Variants in SLC44A5 observed in about 807,000 individuals in gnomAD.
SLC44A5 encodes choline transporter-like protein 5.
A neutral mutation model predicts 101.8 loss-of-function variants in SLC44A5; 57 were observed. The ratio of observed to expected loss-of-function variants is 0.56; its 90% CI spans 0.45 to 0.70. SLC44A5 has a LOEUF of 0.70. Among genes scored for constraint, SLC44A5 ranks in the 30% least tolerant of loss-of-function variants. SLC44A5 has a pLI of 0.00. For synonymous variants in SLC44A5, 281 were observed against 290.9 expected (o/e 0.97, Z 0.35); for missense variants, 737 against 853.1 (o/e 0.86, Z 1.70).
intron 2 of SLC44A5, chr1:75,398,359 A>G (rs1253830570): frequency 1.0e-6 from 1 of 985,266 alleles, no homozygotes; most frequent in Admixed American, 6.2e-5. Flanking sequence ...TTTCACCTGC[A>G]GACCCAGTCC....
At chr1:75,613,461 C>T (rs752279526), upstream of SLC44A5, among the ~76,000 whole-genome samples, 9 of 152,210 alleles carry the variant, frequency 5.9e-5, no homozygotes, top group Non-Finnish European at 8.8e-5. Context: ...TTGCTTCTGT[C>T]ATCTATCAAA....
At chr1:75,629,828 T>C in the SLC44A5 span, among the ~76,000 whole-genome samples, 1 of 152,242 alleles carries the variant, frequency 6.6e-6, no homozygotes. Flanking sequence ...ATAAAATCAA[T>C]TTTTAAAGAA....
intron 1 of SLC44A5, among the ~76,000 whole-genome samples, chr1:75,548,510 A>C (rs1007900346): frequency 1.3e-5 from 2 of 152,118 alleles, no homozygotes; most frequent in Non-Finnish European, 2.9e-5. Flanking sequence ...TCTAGACTGC[A>C]GATTAAGAGC....
At chr1:75,550,723 T>C (rs190460026) in intron 1 of SLC44A5, among the ~76,000 whole-genome samples, 1 of 152,092 alleles carries the variant, frequency 6.6e-6, no homozygotes, top group Non-Finnish European at 1.5e-5. Context: ...GATTTGATGA[T>C]GTCAGTAACT....
chr1:75,210,155 T>C (rs1315588388), intron 23 of SLC44A5, among the ~76,000 whole-genome samples: 2 of 151,958 alleles, frequency 1.3e-5, no homozygotes, highest in African/African-American at 4.8e-5. Flanking sequence ...CAGGTGATCC[T>C]CCCACCTCAG....
chr1:75,670,108 G>A, the SLC44A5 span, among the ~76,000 whole-genome samples: 3 of 152,034 alleles, frequency 2.0e-5, no homozygotes, highest in African/African-American at 7.2e-5. Flanking sequence ...TACAAAAAGA[G>A]AAGATAAAGA....
chr1:75,541,285 T>A lies in SLC44A5; in HGVS notation c.13+150A>T, dbSNP rs1280027873. On this transcript the variant is annotated intron_variant, in intron 2 of 23. Coordinates refer to ENST00000370859, the MANE Select transcript of SLC44A5 (RefSeq NM_001130058.2). ...CAGGCAAAGACGGAGAACCACAAGG[T>A]CTAACATGCTGTAGTTTTCCAGGTG... 14 of 622,114 alleles carry A rather than the reference T, an allele frequency of 2.3e-5. No individual in the cohort carries two copies. In the South Asian group the frequency reaches 3.0e-4, roughly 13 times the overall value. The allele number at this position is 622,114 out of a possible 1,614,324, so 38.5% of individuals were successfully genotyped here. A position where few individuals can be genotyped will look rare whatever the true frequency, so the allele number is the denominator to read the frequency against.
intron 1 of SLC44A5, among the ~76,000 whole-genome samples, chr1:75,550,554 G>A (rs2101978996): frequency 6.6e-6 from 1 of 151,980 alleles, no homozygotes. Flanking sequence ...TTTACATTAT[G>A]AAAATTTTAC....
chr1:75,580,012 G>C (rs1673592664), intron 1 of SLC44A5, among the ~76,000 whole-genome samples: 1 of 152,084 alleles, frequency 6.6e-6, no homozygotes, highest in Admixed American at 6.5e-5. Context: ...ATTTTTACTA[G>C]TTGGAAATTG....
At chr1:75,299,714 A>T (rs1232442162) in intron 5 of SLC44A5, among the ~76,000 whole-genome samples, 1 of 151,964 alleles carries the variant, frequency 6.6e-6, no homozygotes, top group Non-Finnish European at 1.5e-5. Flanking sequence ...TAGTTGTTTA[A>T]AAAAAATCCA....
intron 4 of SLC44A5, among the ~76,000 whole-genome samples, chr1:75,311,005 T>C (rs973899710): frequency 3.3e-5 from 5 of 152,042 alleles, no homozygotes; most frequent in African/African-American, 1.2e-4. Context: ...TATTAAAATA[T>C]AAATTTTTAA....
At chr1:75,220,301 C>T (rs1031327963) in intron 14 of SLC44A5, among the ~76,000 whole-genome samples, 2 of 152,074 alleles carry the variant, frequency 1.3e-5, no homozygotes, top group African/African-American at 2.4e-5. Context: ...CACTACCCTT[C>T]GGTGAACACA....
At position 75,240,639 on chromosome 1, in the gene SLC44A5, A is replaced by G. The variant is rs115170084; in HGVS notation, c.532+1362T>C. ...TAAGTGCTGTTGCTGTGGGACCTAC[A>G]TCTTTGCTTCAAGGTCTTTTATGAC... On this transcript the variant is annotated intron_variant, in intron 9 of 23. Transcript: ENST00000370859. Among the ~76,000 whole-genome samples the G allele has an allele frequency of 5.5e-3, 834 of 152,186 alleles. 9 individuals are homozygous for G. The highest frequency in any genetic ancestry group is 0.019 in the African/African-American group (806 of 41,546).
intron 14 of SLC44A5, among the ~76,000 whole-genome samples, chr1:75,220,411 C>T (rs1647054140): frequency 1.3e-5 from 2 of 152,046 alleles, no homozygotes; most frequent in African/African-American, 4.8e-5. Context: ...CAACCTATAT[C>T]CTCTAACTTC....
Position 75,238,656 on chromosome 1 carries a change from T to C in SLC44A5, c.533-20A>G. 1 of 1,486,152 alleles carries C rather than the reference T, an allele frequency of 6.7e-7. No individual in the cohort carries two copies. Among genetic ancestry groups the C allele is most frequent in the Non-Finnish European group, 9.1e-7 (1 of 1,095,332 alleles). 92.1% of individuals were successfully genotyped at this position (1,486,152 alleles called of 1,614,324 possible). A position where few individuals can be genotyped will look rare whatever the true frequency, so the allele number is the denominator to read the frequency against. ...GGAGAACTGTAAAAATAAATTAAAA[T>C]TATTGTAATCACTTTTCTATTTCTT... On this transcript the variant is annotated intron_variant, in intron 9 of 23. Transcript: ENST00000370859.
upstream of SLC44A5, among the ~76,000 whole-genome samples, chr1:75,613,444 T>C (rs1420897890): frequency 6.6e-6 from 1 of 152,218 alleles, no homozygotes; most frequent in Non-Finnish European, 1.5e-5. Flanking sequence ...ATTACAACTT[T>C]CTGGGTTTGC....
intron 1 of SLC44A5, among the ~76,000 whole-genome samples, chr1:75,551,089 T>C (rs915330913): frequency 2.0e-5 from 3 of 152,098 alleles, no homozygotes; most frequent in Non-Finnish European, 4.4e-5. Flanking sequence ...ATTGTTGTTA[T>C]AATCTTTGTT....
At chr1:75,306,806 C>T (rs373417346) in intron 4 of SLC44A5, among the ~76,000 whole-genome samples, 1 of 133,942 alleles carries the variant, frequency 7.5e-6, no homozygotes, top group African/African-American at 2.8e-5. Context: ...GCAATCTCGG[C>T]TCACTGCAAG....
At chr1:75,441,536 TATATAACTAA>T (rs1665200700) in intron 2 of SLC44A5, among the ~76,000 whole-genome samples, 1 of 151,696 alleles carries the variant, frequency 6.6e-6, no homozygotes, top group East Asian at 1.9e-4. Context: ...GAAAAAACAG[TATATAACTAA>T]TTATAATAAT....
Sources: allele counts gnomAD v4.1 joint callset (sites outside exome capture counted in the v4.1 genomes callset), GRCh38; gene constraint gnomAD v4.1.1; transcripts MANE v1.5; gene names NCBI Gene and HGNC (gene_info 2026-07-23, HGNC 2026-07-21).